Variants in ADAMTS20 observed in about 807,000 individuals in gnomAD.
The protein encoded by ADAMTS20 is A disintegrin and metalloproteinase with thrombospondin motifs 20.
ADAMTS20 carries 225 observed loss-of-function variants against 260.1 expected under a neutral mutation model. That is an observed-to-expected ratio of 0.87 (90% CI 0.78 to 0.97). The LOEUF (loss-of-function observed/expected upper bound fraction) is 0.97, where lower values mean the gene tolerates loss of function less well. Among genes scored for constraint, ADAMTS20 ranks in the 50% least tolerant of loss-of-function variants. The pLI is 0.00. For synonymous variants in ADAMTS20, 802 were observed against 769.5 expected, an observed-to-expected ratio of 1.04 and a Z score of -0.70; for missense variants, 2,400 against 2,337.7, an observed-to-expected ratio of 1.03 and a Z score of -0.55.
intron 28 of ADAMTS20, among the ~76,000 whole-genome samples, chr12:43,416,277 T>G (rs540155280): frequency 6.6e-6 from 1 of 152,290 alleles, no homozygotes; most frequent in South Asian, 2.1e-4. Context: ...GTCTGTCACT[T>G]TTCAGTTTAC....
At chr12:43,417,092 G>C (rs986461166) in intron 28 of ADAMTS20, among the ~76,000 whole-genome samples, 2 of 151,920 alleles carry the variant, frequency 1.3e-5, no homozygotes, top group African/African-American at 4.8e-5. Context: ...TATTTATCTT[G>C]TTTCCCACAA....
intron 7 of ADAMTS20, among the ~76,000 whole-genome samples, chr12:43,483,485 C>G (rs928638779): frequency 6.6e-6 from 1 of 152,138 alleles, no homozygotes; most frequent in Middle Eastern, 3.2e-3. Flanking sequence ...CATCTGTGGA[C>G]AGCCTTACTG....
At chr12:43,405,603 T>C (rs1940904806) in intron 28 of ADAMTS20, among the ~76,000 whole-genome samples, 1 of 152,020 alleles carries the variant, frequency 6.6e-6, no homozygotes, top group Non-Finnish European at 1.5e-5. Flanking sequence ...ACTTCATAAT[T>C]ATCATTTTTC....
At chr12:43,398,041 C>G (rs1940739479) in intron 29 of ADAMTS20, among the ~76,000 whole-genome samples, 1 of 152,154 alleles carries the variant, frequency 6.6e-6, no homozygotes, top group Admixed American at 6.6e-5. Flanking sequence ...ATAGACATAA[C>G]TCAAACATCT....
At chr12:43,445,371 C>T (rs1941740869) in intron 15 of ADAMTS20, among the ~76,000 whole-genome samples, 4 of 151,724 alleles carry the variant, frequency 2.6e-5, no homozygotes, top group African/African-American at 9.7e-5. Flanking sequence ...CAAGAAATAA[C>T]TAGAAAAATC....
intron 3 of ADAMTS20, among the ~76,000 whole-genome samples, chr12:43,516,901 A>T (rs920921001): frequency 3.9e-5 from 6 of 152,158 alleles, no homozygotes; most frequent in Non-Finnish European, 8.8e-5. Flanking sequence ...TAGACATGAC[A>T]TTTGAGAATC....
chr12:43,462,636 A>G (rs1304950514), intron 11 of ADAMTS20, among the ~76,000 whole-genome samples: 1 of 152,234 alleles, frequency 6.6e-6, no homozygotes, highest in African/African-American at 2.4e-5. Flanking sequence ...TAATATACAT[A>G]GATAACTATA....
At chr12:43,507,309 T>C (rs1273855887) in intron 3 of ADAMTS20, among the ~76,000 whole-genome samples, 1 of 152,184 alleles carries the variant, frequency 6.6e-6, no homozygotes, top group Non-Finnish European at 1.5e-5. Flanking sequence ...ATGCTTTCCT[T>C]GTCCATACGT....
intron 3 of ADAMTS20, among the ~76,000 whole-genome samples, chr12:43,525,719 C>G (rs1943132418): frequency 6.6e-6 from 1 of 152,042 alleles, no homozygotes; most frequent in Admixed American, 6.6e-5. Context: ...GAGCAGTAGT[C>G]AGTCTTATAT....
intron 26 of ADAMTS20, 133 bp from the exon 27 acceptor site, chr12:43,427,602 C>T (rs1941358138): frequency 3.6e-6 from 3 of 831,408 alleles, no homozygotes; most frequent in Middle Eastern, 3.8e-4. Context: ...ATTGGAATCA[C>T]AATTTGAATT....
chr12:43,384,790 C>T lies in ADAMTS20; in HGVS notation c.4453-813G>A, dbSNP rs1002887815. On this transcript the variant is annotated intron_variant, in intron 29 of 38. Transcript: ENST00000389420. ...TCCCTGCAAAGGACATGAACTCATC[C>T]TTTTTTTATAGCTGCATAGTATTCC... is the stretch of plus-strand genomic sequence containing the variant. Among the ~76,000 whole-genome samples the T allele has an allele frequency of 5.9e-5, 9 of 152,178 alleles. No individual in the cohort carries two copies. The South Asian group carries it at 6.2e-4, about 11-fold the overall frequency.
rs184067776 is a variant in ADAMTS20 at position 43,395,070 on chromosome 12, C to T, written c.4452+3996G>A. 1.6e-4 allele frequency among the ~76,000 whole-genome samples: 24 copies of T among 152,160 alleles called. No homozygotes were observed. The East Asian group carries it at 4.1e-3, about 26-fold the overall frequency. ...CACCTCAGCCTACCCCAAGAAAGGCCATTTTAAATATCAAGAAAGATGATA... is the reference window on the plus strand; with the variant it reads ...CACCTCAGCCTACCCCAAGAAAGGCTATTTTAAATATCAAGAAAGATGATA... On this transcript the variant is annotated intron_variant, in intron 29 of 38. Coordinates refer to ENST00000389420, the MANE Select transcript of ADAMTS20 (RefSeq NM_025003.5).
At chr12:43,380,538 T>C (rs992774620) in intron 31 of ADAMTS20, among the ~76,000 whole-genome samples, 12 of 152,100 alleles carry the variant, frequency 7.9e-5, no homozygotes, top group African/African-American at 2.9e-4. Flanking sequence ...GAAAATCCCA[T>C]TTAATCCACA....
chr12:43,433,793 C>A (rs1405498069), intron 19 of ADAMTS20: 10 of 489,460 alleles, frequency 2.0e-5, no homozygotes, highest in Non-Finnish European at 3.7e-5. Flanking sequence ...CTGTCATGAT[C>A]TAGGATCAAT....
At chr12:43,445,848 T>C (rs1002814002) in intron 15 of ADAMTS20, among the ~76,000 whole-genome samples, 4 of 152,056 alleles carry the variant, frequency 2.6e-5, no homozygotes, top group African/African-American at 7.2e-5. Flanking sequence ...TAGCACCCTG[T>C]CTCTAAATAA....
At chr12:43,508,398 G>A (rs2047206) in intron 3 of ADAMTS20, among the ~76,000 whole-genome samples, 56,473 of 151,846 alleles carry the variant, frequency 0.37, 11,312 homozygotes, top group East Asian at 0.83. Context: ...AAGTAATGGA[G>A]GTAGAAATAA....
chr12:43,535,079 T>G (rs766886544), intron 2 of ADAMTS20, among the ~76,000 whole-genome samples: 1 of 152,122 alleles, frequency 6.6e-6, no homozygotes, highest in Admixed American at 6.6e-5. Flanking sequence ...TACATACCCA[T>G]CCCTACTCCT....
intron 7 of ADAMTS20, among the ~76,000 whole-genome samples, chr12:43,475,613 C>T (rs1288425858): frequency 2.0e-5 from 3 of 152,110 alleles, no homozygotes; most frequent in East Asian, 1.9e-4. Context: ...GCTACAGTAA[C>T]CAAAACCGCA....
chr12:43,546,847 T>C (rs1320366944), intron 2 of ADAMTS20, among the ~76,000 whole-genome samples: 1 of 152,120 alleles, frequency 6.6e-6, no homozygotes, highest in African/African-American at 2.4e-5. Context: ...GTTTGAATTA[T>C]GGGATGAATA....
Sources: allele counts gnomAD v4.1 joint callset (sites outside exome capture counted in the v4.1 genomes callset), GRCh38; gene constraint gnomAD v4.1.1; transcripts MANE v1.5; gene names NCBI Gene and HGNC (gene_info 2026-07-23, HGNC 2026-07-21).